Variants in DACH1 observed in about 807,000 individuals in gnomAD.
DACH1 encodes the protein dachshund family transcription factor 1.
A neutral mutation model predicts 54.2 loss-of-function variants in DACH1; 12 were observed. The ratio of observed to expected loss-of-function variants is 0.22; its 90% CI spans 0.14 to 0.36. DACH1 has a LOEUF of 0.36. Among genes scored for constraint, DACH1 ranks in the 10% least tolerant of loss-of-function variants. The pLI is 1.00. For synonymous variants in DACH1, 386 were observed against 366.2 expected, an observed-to-expected ratio of 1.05 and a Z score of -0.62; for missense variants, 805 against 929.8, an observed-to-expected ratio of 0.87 and a Z score of 1.75.
chr13:71,629,931 G>A (rs1876958764), intron 3 of DACH1, among the ~76,000 whole-genome samples: 1 of 152,072 alleles, frequency 6.6e-6, no homozygotes, highest in African/African-American at 2.4e-5. Context: ...TACCCAAATG[G>A]ATAGTTGGCA....
intron 1 of DACH1, among the ~76,000 whole-genome samples, chr13:71,853,253 A>G (rs966766216): frequency 3.9e-5 from 6 of 152,184 alleles, no homozygotes; most frequent in African/African-American, 1.4e-4. Flanking sequence ...GAACAGTTCA[A>G]TAGAAAAACT....
intron 1 of DACH1, among the ~76,000 whole-genome samples, chr13:71,698,547 T>C (rs1881947398): frequency 6.6e-6 from 1 of 151,450 alleles, no homozygotes; most frequent in South Asian, 2.1e-4. Context: ...AGAGAGAGAA[T>C]ATGCAAAAAT....
At chr13:71,729,722 A>G (rs1883649543) in intron 1 of DACH1, among the ~76,000 whole-genome samples, 1 of 152,114 alleles carries the variant, frequency 6.6e-6, no homozygotes, top group Admixed American at 6.5e-5. Context: ...TGTATTGTCG[A>G]AGTTTTCAGT....
intron 6 of DACH1, among the ~76,000 whole-genome samples, chr13:71,495,879 T>G (rs1398284043): frequency 3.3e-5 from 5 of 152,084 alleles, no homozygotes; most frequent in Admixed American, 6.6e-5. Context: ...TACAGCACTA[T>G]TCACAGTGGC....
At chr13:71,856,576 G>A (rs1874017109) in intron 1 of DACH1, among the ~76,000 whole-genome samples, 1 of 151,906 alleles carries the variant, frequency 6.6e-6, no homozygotes, top group Admixed American at 6.6e-5. Context: ...ATGCAAAGAT[G>A]AACTTTTTAC....
intron 1 of DACH1, among the ~76,000 whole-genome samples, chr13:71,825,790 A>G (rs1482079879): frequency 6.6e-6 from 1 of 152,132 alleles, no homozygotes; most frequent in African/African-American, 2.4e-5. Flanking sequence ...AGGTAGACAT[A>G]TATTTATTCA....
intron 6 of DACH1, among the ~76,000 whole-genome samples, chr13:71,534,745 T>C (rs1385944550): frequency 6.6e-6 from 1 of 151,890 alleles, no homozygotes; most frequent in African/African-American, 2.4e-5. Flanking sequence ...AATAACTAAA[T>C]TCCATTGTCA....
chr13:71,503,080 G>T (rs1027119352), intron 6 of DACH1, among the ~76,000 whole-genome samples: 1 of 152,110 alleles, frequency 6.6e-6, no homozygotes. Flanking sequence ...AGGCAGCACC[G>T]TATGTAAATG....
chr13:71,657,407 G>T (rs1879186591), intron 2 of DACH1, among the ~76,000 whole-genome samples: 1 of 151,900 alleles, frequency 6.6e-6, no homozygotes, highest in South Asian at 2.1e-4. Flanking sequence ...TGGGAGGATT[G>T]CTAGAGCCCA....
intron 3 of DACH1, among the ~76,000 whole-genome samples, chr13:71,601,312 T>C (rs7986024): frequency 0.53 from 79,950 of 151,856 alleles, 23,119 homozygotes; most frequent in East Asian, 0.77. Flanking sequence ...AACTTGCTAT[T>C]TATATGAAAA....
At chr13:71,729,227 C>T (rs926623086) in intron 1 of DACH1, among the ~76,000 whole-genome samples, 1 of 151,868 alleles carries the variant, frequency 6.6e-6, no homozygotes, top group Non-Finnish European at 1.5e-5. Flanking sequence ...ATAAATTATT[C>T]CCAAAATGAA....
chr13:71,679,838 C>T (rs1308269587), intron 2 of DACH1, among the ~76,000 whole-genome samples: 3 of 150,060 alleles, frequency 2.0e-5, no homozygotes, highest in South Asian at 2.2e-4. Context: ...AAAAAAAATT[C>T]GGGCGTAGTG....
intron 6 of DACH1, among the ~76,000 whole-genome samples, chr13:71,502,039 A>G (rs1195967334): frequency 6.6e-6 from 1 of 152,180 alleles, no homozygotes; most frequent in Non-Finnish European, 1.5e-5. Context: ...GGAGTAACAC[A>G]CAAATTTTTT....
chr13:71,668,267 T>C (rs974896523), intron 2 of DACH1, among the ~76,000 whole-genome samples: 1 of 152,106 alleles, frequency 6.6e-6, no homozygotes, highest in Non-Finnish European at 1.5e-5. Context: ...TGCATAGTTC[T>C]TTGGAATAAA....
intron 3 of DACH1, chr13:71,573,372 A>G (rs1450002759): frequency 1.4e-6 from 1 of 710,658 alleles, no homozygotes; most frequent in Non-Finnish European, 2.6e-6. Context: ...GATAAATACA[A>G]TTTAAAAAAA....
At chr13:71,737,588 T>C (rs1172623171) in intron 1 of DACH1, among the ~76,000 whole-genome samples, 1 of 152,264 alleles carries the variant, frequency 6.6e-6, no homozygotes, top group African/African-American at 2.4e-5. Flanking sequence ...GATTGACTTA[T>C]TTTATAATCA....
intron 1 of DACH1, among the ~76,000 whole-genome samples, chr13:71,846,658 T>C (rs764003737): frequency 6.0e-4 from 92 of 152,276 alleles, no homozygotes; most frequent in Non-Finnish European, 9.9e-4. Context: ...TAGATAGTCT[T>C]TGGTTAAGTA....
intron 2 of DACH1, among the ~76,000 whole-genome samples, chr13:71,659,463 T>C (rs1879356690): frequency 6.6e-6 from 1 of 152,154 alleles, no homozygotes; most frequent in African/African-American, 2.4e-5. Flanking sequence ...GAAAATATCT[T>C]GTAAAGCAAA....
At chr13:71,686,084 A>T (rs930669692) in intron 1 of DACH1, among the ~76,000 whole-genome samples, 3 of 152,224 alleles carry the variant, frequency 2.0e-5, no homozygotes, top group African/African-American at 7.2e-5. Flanking sequence ...CCAGAGGATT[A>T]GAGCAAGCTG....
Sources: gnomAD v4.1 joint callset for allele counts (sites outside exome capture counted in the v4.1 genomes callset) on GRCh38, gnomAD v4.1.1 for gene constraint, MANE v1.5 for transcripts, NCBI Gene and HGNC (gene_info 2026-07-23, HGNC 2026-07-21) for gene names.